Variants in MATN2 observed in about 807,000 individuals in gnomAD.
MATN2 encodes the protein matrilin 2.
Under a neutral mutation model 103.2 loss-of-function variants are expected in MATN2, and 69 were observed. The ratio of observed to expected loss-of-function variants is 0.67; its 90% confidence interval spans 0.55 to 0.82. The LOEUF is 0.82. Among genes scored for constraint, MATN2 ranks in the 40% least tolerant of loss-of-function variants. The pLI is 0.00. For synonymous variants in MATN2, 429 were observed against 450.2 expected (o/e 0.95, Z 0.60); for missense variants, 1,023 against 1,211.5 (o/e 0.84, Z 2.31).
chr8:97,965,018 G>A (rs950853513), intron 5 of MATN2, among the ~76,000 whole-genome samples: 2 of 152,194 alleles, frequency 1.3e-5, no homozygotes, highest in African/African-American at 2.4e-5. Context: ...ATAGACATGA[G>A]CCACTGCGCC....
intron 1 of MATN2, among the ~76,000 whole-genome samples, chr8:97,886,936 G>T (rs1818449970): frequency 6.6e-6 from 1 of 150,990 alleles, no homozygotes; most frequent in South Asian, 2.1e-4. Context: ...GTCTCGTGCT[G>T]TCACCCAGGC....
chr8:97,878,209 T>G (rs1338015299), intron 1 of MATN2, among the ~76,000 whole-genome samples: 2 of 152,208 alleles, frequency 1.3e-5, no homozygotes. Context: ...TACTTGATAT[T>G]TCATCTATAT....
chr8:98,016,102 A>G (rs182931378), intron 10 of MATN2, among the ~76,000 whole-genome samples: 67 of 152,012 alleles, frequency 4.4e-4, no homozygotes, highest in Non-Finnish European at 9.6e-4. Context: ...TTTGATTTTT[A>G]TGTGCCATGT....
chr8:97,932,446 C>G (rs1218902628), intron 3 of MATN2, among the ~76,000 whole-genome samples: 1 of 152,182 alleles, frequency 6.6e-6, no homozygotes, highest in East Asian at 1.9e-4. Flanking sequence ...CACTCCTCAC[C>G]TGCCAACTCT....
chr8:97,885,872 C>T (rs1269552292), intron 1 of MATN2, among the ~76,000 whole-genome samples: 2 of 152,054 alleles, frequency 1.3e-5, no homozygotes, highest in Admixed American at 6.6e-5. Context: ...TGCAGGGGTC[C>T]CCAACCCCCA....
At chr8:97,911,082 G>A (rs1163348977) in intron 2 of MATN2, among the ~76,000 whole-genome samples, 2 of 152,040 alleles carry the variant, frequency 1.3e-5, no homozygotes, top group South Asian at 2.1e-4. Flanking sequence ...TCCACCTCCC[G>A]CCTTCAAGCG....
At chr8:97,984,430 C>A (rs1419821961) in intron 6 of MATN2, among the ~76,000 whole-genome samples, 1 of 152,152 alleles carries the variant, frequency 6.6e-6, no homozygotes, top group Non-Finnish European at 1.5e-5. Flanking sequence ...GTAGTAGTGA[C>A]CATCTAAATT....
intron 1 of MATN2, among the ~76,000 whole-genome samples, chr8:97,887,216 A>G (rs750597969): frequency 6.6e-6 from 1 of 151,896 alleles, no homozygotes; most frequent in Non-Finnish European, 1.5e-5. Flanking sequence ...AAATAAATTT[A>G]AATTTTTTTT....
chr8:97,911,431 G>A (rs1301392814), intron 2 of MATN2, among the ~76,000 whole-genome samples: 3 of 151,958 alleles, frequency 2.0e-5, no homozygotes, highest in Admixed American at 6.6e-5. Context: ...GTTATGGTCC[G>A]GGTGCCGTGG....
chr8:97,906,568 C>T (rs1250583377), intron 2 of MATN2, among the ~76,000 whole-genome samples: 1 of 152,178 alleles, frequency 6.6e-6, no homozygotes, highest in Admixed American at 6.5e-5. Context: ...GAAGCTGAGG[C>T]CAGCACCAGA....
At chr8:97,921,826 A>C (rs1233749133) in intron 2 of MATN2, among the ~76,000 whole-genome samples, 1 of 152,230 alleles carries the variant, frequency 6.6e-6, no homozygotes, top group Non-Finnish European at 1.5e-5. Context: ...CATGTAGTTC[A>C]AGTCTCATAA....
In MATN2 at chr8:98,011,376, C is replaced by T. The variant is rs79857415; in HGVS notation, c.1573+3775C>T. 6.7e-3 allele frequency among the ~76,000 whole-genome samples: 1,021 copies of T among 152,300 alleles called. 7 individuals are homozygous for T. The highest frequency in any genetic ancestry group is 0.01 in the Admixed American group (157 of 15,302). ...CCCTCACTCTCATGTATTCACATTACAGGCTTGATGCAACAGAAGGAAACT... is the reference window on the plus strand; with the variant it reads ...CCCTCACTCTCATGTATTCACATTATAGGCTTGATGCAACAGAAGGAAACT... On this transcript the variant is annotated intron_variant, in intron 10 of 18. Transcript: ENST00000254898.
intron 2 of MATN2, among the ~76,000 whole-genome samples, chr8:97,926,128 A>C (rs1809980545): frequency 6.6e-6 from 1 of 152,204 alleles, no homozygotes. Flanking sequence ...TCAAGCTGAC[A>C]GTACTGGAAG....
At chr8:98,029,149 T>C (rs16896569) in intron 14 of MATN2, among the ~76,000 whole-genome samples, 10,082 of 152,216 alleles carry the variant, frequency 0.066, 1,049 homozygotes, top group African/African-American at 0.22. Context: ...GCTGTCTTTG[T>C]GAAGGAGGTC....
At chr8:98,023,505 T>C (rs1274281471) in intron 13 of MATN2, among the ~76,000 whole-genome samples, 3 of 152,026 alleles carry the variant, frequency 2.0e-5, no homozygotes, top group African/African-American at 7.3e-5. Context: ...ACCCTGTCTC[T>C]ACAAAAATTA....
At chr8:97,985,948 G>T (rs1025323412) in intron 6 of MATN2, among the ~76,000 whole-genome samples, 1 of 152,104 alleles carries the variant, frequency 6.6e-6, no homozygotes, top group Non-Finnish European at 1.5e-5. Context: ...TTTTTATAGA[G>T]TTGAGATCAT....
At chr8:97,909,363 A>G (rs575773653) in intron 2 of MATN2, among the ~76,000 whole-genome samples, 2 of 152,316 alleles carry the variant, frequency 1.3e-5, no homozygotes, top group African/African-American at 4.8e-5. Flanking sequence ...GTCATGCAGT[A>G]TTTGTCATTC....
intron 2 of MATN2, among the ~76,000 whole-genome samples, chr8:97,926,566 C>T (rs964442784): frequency 6.6e-6 from 1 of 152,220 alleles, no homozygotes. Flanking sequence ...AGTCAACTCT[C>T]TGGGCCTCAG....
chr8:97,953,152 G>T (rs1166530356), intron 4 of MATN2, among the ~76,000 whole-genome samples: 1 of 149,334 alleles, frequency 6.7e-6, no homozygotes, highest in African/African-American at 2.4e-5. Context: ...TGATCCTCCT[G>T]CGTTGGCCTC....
Sources: gnomAD v4.1 joint callset for allele counts (sites outside exome capture counted in the v4.1 genomes callset) on GRCh38, gnomAD v4.1.1 for gene constraint, MANE v1.5 for transcripts, NCBI Gene and HGNC (gene_info 2026-07-23, HGNC 2026-07-21) for gene names.